Variants in SDK1 observed in about 807,000 individuals in gnomAD.
SDK1 encodes the protein protein sidekick-1.
Under a neutral mutation model 245.5 loss-of-function variants are expected in SDK1, and 157 were observed. The observed-to-expected ratio is 0.64, with a 90% CI of 0.56 to 0.73. SDK1 has a LOEUF of 0.73. Ranked by LOEUF, SDK1 falls within the 30% of genes least tolerant of loss-of-function variation. SDK1 has a pLI of 0.00. For synonymous variants in SDK1, 1,647 were observed against 1,278.5 expected (o/e 1.29, Z -6.15); for missense variants, 3,583 against 3,002.3 (o/e 1.19, Z -4.52).
intron 1 of SDK1, among the ~76,000 whole-genome samples, chr7:3,549,120 T>TA (rs1562555554): frequency 6.6e-6 from 1 of 152,230 alleles, no homozygotes; most frequent in African/African-American, 2.4e-5. Context: ...CCAAACTGCG[T>TA]AAAAAATGAG....
At chr7:3,397,682 C>T (rs1182779989) in intron 1 of SDK1, among the ~76,000 whole-genome samples, 1 of 151,904 alleles carries the variant, frequency 6.6e-6, no homozygotes, top group Admixed American at 6.6e-5. Flanking sequence ...GTTCATTGAA[C>T]TTCTTGGATA....
intron 5 of SDK1, among the ~76,000 whole-genome samples, chr7:3,854,455 T>G (rs897593361): frequency 6.6e-6 from 1 of 152,242 alleles, no homozygotes; most frequent in Non-Finnish European, 1.5e-5. Context: ...TTTCCTTACC[T>G]GAAATCTCAA....
intron 22 of SDK1, among the ~76,000 whole-genome samples, chr7:4,083,022 C>T (rs902451296): frequency 2.0e-5 from 3 of 152,126 alleles, no homozygotes; most frequent in African/African-American, 4.8e-5. Flanking sequence ...GTAGGATTCA[C>T]GCAGGGTTCA....
chr7:4,059,146 TAAAAACAAAAAC>T (rs112774955), intron 19 of SDK1, among the ~76,000 whole-genome samples: 2 of 151,896 alleles, frequency 1.3e-5, no homozygotes, highest in South Asian at 2.1e-4. Flanking sequence ...GCTGAATGGA[TAAAAACAAAAAC>T]AAAAACAAAA....
chr7:3,796,536 T>G (rs1050575164), intron 4 of SDK1, among the ~76,000 whole-genome samples: 3 of 151,920 alleles, frequency 2.0e-5, no homozygotes, highest in Non-Finnish European at 4.4e-5. Flanking sequence ...CAGCCTACAA[T>G]CCATTCCAGG....
chr7:3,873,753 A>G (rs550545612), intron 5 of SDK1, among the ~76,000 whole-genome samples: 1 of 152,258 alleles, frequency 6.6e-6, no homozygotes, highest in South Asian at 2.1e-4. Context: ...TAATCTAAAT[A>G]CTGTTTTTCT....
intron 4 of SDK1, among the ~76,000 whole-genome samples, chr7:3,700,847 C>G (rs1019418642): frequency 6.6e-6 from 1 of 151,992 alleles, no homozygotes; most frequent in Admixed American, 6.6e-5. Context: ...CTTTTTTCCC[C>G]TTATTTCTAT....
chr7:3,493,149 C>T (rs1450627968), intron 1 of SDK1, among the ~76,000 whole-genome samples: 2 of 152,126 alleles, frequency 1.3e-5, no homozygotes, highest in Non-Finnish European at 1.5e-5. Flanking sequence ...GACGGAGTTT[C>T]ACCGTGTTAG....
intron 9 of SDK1, among the ~76,000 whole-genome samples, chr7:3,966,471 G>T (rs1221601700): frequency 1.3e-5 from 2 of 152,048 alleles, no homozygotes; most frequent in East Asian, 3.9e-4. Flanking sequence ...AGCTCCTCCT[G>T]TCTTTCCTCG....
rs541426868 is a variant in SDK1 at position 3,407,904 on chromosome 7, A to AAT, written c.298+106024_298+106025dup. Among the ~76,000 whole-genome samples the AAT allele has an allele frequency of 7.9e-5, 12 of 152,290 alleles. 1 individual carries two copies. In the South Asian group the frequency reaches 2.5e-3, roughly 32 times the overall value. On this transcript the variant is annotated intron_variant, in intron 1 of 44. Coordinates refer to ENST00000404826, the MANE Select transcript of SDK1 (RefSeq NM_152744.4). Reference sequence around the variant, plus strand: ...CTACCAGGCTCTGGAGAAAGAGGGAAATATAGCCCTGCTCTCAGCAAACAC... The same window carrying AAT: ...CTACCAGGCTCTGGAGAAAGAGGGAAATATATAGCCCTGCTCTCAGCAAACAC...
At chr7:3,784,024 A>T (rs1368243182) in intron 4 of SDK1, among the ~76,000 whole-genome samples, 1 of 151,484 alleles carries the variant, frequency 6.6e-6, no homozygotes, top group Admixed American at 6.6e-5. Flanking sequence ...CAGACTAGAG[A>T]CCCCAGAAAT....
intron 4 of SDK1, among the ~76,000 whole-genome samples, chr7:3,710,327 T>C (rs981947888): frequency 1.3e-5 from 2 of 152,246 alleles, no homozygotes; most frequent in African/African-American, 4.8e-5. Flanking sequence ...CCTCACATAC[T>C]GAACACACAC....
intron 35 of SDK1, among the ~76,000 whole-genome samples, chr7:4,186,211 G>C (rs1289258261): frequency 6.6e-6 from 1 of 152,222 alleles, no homozygotes; most frequent in Non-Finnish European, 1.5e-5. Flanking sequence ...AGCCCCAGAT[G>C]TGTCGTGGGG....
chr7:3,528,130 G>C (rs1562541545), intron 1 of SDK1, among the ~76,000 whole-genome samples: 2 of 146,114 alleles, frequency 1.4e-5, no homozygotes, highest in Non-Finnish European at 3.0e-5. Context: ...GCCAGCTACG[G>C]GGTGAATGGT....
chr7:4,131,774 C>A (rs1784837652), intron 27 of SDK1, among the ~76,000 whole-genome samples: 1 of 152,042 alleles, frequency 6.6e-6, no homozygotes, highest in South Asian at 2.1e-4. Flanking sequence ...TTTGTGCACA[C>A]CAACTCTTAA....
chr7:3,877,079 A>C (rs577504148), intron 5 of SDK1, among the ~76,000 whole-genome samples: 65 of 152,350 alleles, frequency 4.3e-4, no homozygotes, highest in Non-Finnish European at 7.6e-4. Flanking sequence ...GTCACAGTTA[A>C]AAGCTCTAGC....
At chr7:3,533,190 C>A (rs1036512134) in intron 1 of SDK1, among the ~76,000 whole-genome samples, 1 of 152,144 alleles carries the variant, frequency 6.6e-6, no homozygotes. Flanking sequence ...ATCTCTCTTA[C>A]CACTCTCTGA....
intron 4 of SDK1, among the ~76,000 whole-genome samples, chr7:3,682,766 G>C (rs1384310181): frequency 6.6e-6 from 1 of 150,926 alleles, no homozygotes; most frequent in Admixed American, 6.6e-5. Flanking sequence ...CACTCGATCT[G>C]ATGGAGTTTT....
chr7:3,307,007 AGGTGGGG>A (rs1779432866), intron 1 of SDK1, among the ~76,000 whole-genome samples: 1 of 152,198 alleles, frequency 6.6e-6, no homozygotes, highest in East Asian at 1.9e-4. Context: ...ATTAAGCTCA[AGGTGGGG>A]AATGAAAATC....
Sources: gnomAD v4.1 joint callset for allele counts (sites outside exome capture counted in the v4.1 genomes callset) on GRCh38, gnomAD v4.1.1 for gene constraint, MANE v1.5 for transcripts, NCBI Gene and HGNC (gene_info 2026-07-23, HGNC 2026-07-21) for gene names.